The following ZDHHC9 variants were observed in gnomAD, a reference collection of about 807,000 sequenced individuals.
The protein encoded by ZDHHC9 is palmitoyltransferase ZDHHC9.
Under a neutral mutation model 26.6 loss-of-function variants are expected in ZDHHC9, and 3 were observed. The ratio of observed to expected loss-of-function variants is 0.11; its 90% confidence interval spans 0.05 to 0.29. The LOEUF is 0.29. Ranked by LOEUF, ZDHHC9 falls within the 10% of genes least tolerant of loss-of-function variation. The pLI, the probability that ZDHHC9 is intolerant of heterozygous loss-of-function variation, is 1.00. For synonymous variants in ZDHHC9, 111 were observed against 109.4 expected, an observed-to-expected ratio of 1.01 and a Z score of -0.09; for missense variants, 146 against 296.4, an observed-to-expected ratio of 0.49 and a Z score of 3.73.
At chrX:129,814,921 G>T (rs751130422) in intron 5 of ZDHHC9, 126 bp from the exon 6 acceptor site, 45 of 557,440 alleles carry the variant, frequency 8.1e-5, no homozygotes, top group African/African-American at 5.6e-4. Context: ...AAAATATAGG[G>T]TTTTTTTTTT....
chrX:129,842,074 GCTAGCC>G lies in ZDHHC9; in HGVS notation c.-135_-130del. On this transcript the variant is annotated splice_region_variant and 5_prime_UTR_variant, in exon 3 of 11. Coordinates refer to ENST00000357166, the MANE Select transcript of ZDHHC9 (RefSeq NM_016032.4). ...GTCAAACATCATCAAAAGTCCAATT[GCTAGCC>G]CTAAGAAAAAGCAGAAAAAGAAAAA... 1 of 834,453 alleles carries G rather than the reference GCTAGCC, an allele frequency of 1.2e-6. No individual in the cohort carries two copies. Among genetic ancestry groups the G allele is most frequent in the Non-Finnish European group, 1.8e-6 (1 of 566,654 alleles). 68.8% of individuals were successfully genotyped at this position (834,453 alleles called of 1,213,427 possible).
intron 10 of ZDHHC9, among the ~76,000 whole-genome samples, chrX:129,809,782 G>A (rs1927594273): frequency 9.1e-6 from 1 of 110,314 alleles, no homozygotes; most frequent in Non-Finnish European, 1.9e-5. Context: ...CAGATCATCT[G>A]AGGTCAGAAG....
chrX:129,811,556 A>C (rs755605308), intron 8 of ZDHHC9, 47 bp from the exon 9 acceptor site: 119 of 918,184 alleles, frequency 1.3e-4, no homozygotes, highest in Non-Finnish European at 1.8e-4. Flanking sequence ...TGTTAAAATG[A>C]ACAAATAATA....
At chrX:129,811,084 G>A in intron 9 of ZDHHC9, 83 bp from the exon 10 acceptor site, 1 of 853,761 alleles carries the variant, frequency 1.2e-6, no homozygotes, top group Non-Finnish European at 1.7e-6. Context: ...TGCATAGACT[G>A]GAAAATATAA....
At chrX:129,806,533 A>AT in intron 10 of ZDHHC9, 47 bp from the exon 11 acceptor site, 1 of 1,091,234 alleles carries the variant, frequency 9.2e-7, no homozygotes, top group East Asian at 3.0e-5. Flanking sequence ...GTTCCTCAAA[A>AT]TCCAAATGCA....
At chrX:129,829,208 T>A in intron 3 of ZDHHC9, 67 bp from the exon 4 acceptor site, 1 of 1,118,293 alleles carries the variant, frequency 8.9e-7, no homozygotes, top group African/African-American at 1.8e-5. Context: ...TTGTTACCAG[T>A]ATGTCAATCT....
At chrX:129,810,204 C>A (rs770587783) in intron 10 of ZDHHC9, among the ~76,000 whole-genome samples, 27 of 106,506 alleles carry the variant, frequency 2.5e-4, no homozygotes, top group African/African-American at 8.9e-4. Context: ...CAAAAATTAG[C>A]CAGGCATGGT....
Position 129,843,771 on chromosome X carries a change from C to T in ZDHHC9, c.-279G>A, listed in dbSNP as rs1266405192. 9.2e-6 allele frequency: 1 copy of T among 108,982 alleles called. No homozygotes were observed. The highest frequency in any genetic ancestry group is 1.9e-5 in the Non-Finnish European group (1 of 52,134). The allele number at this position is 108,982 out of a possible 1,213,427, so 9.0% of individuals were successfully genotyped here. A position where few individuals can be genotyped will look rare whatever the true frequency, so the allele number is the denominator to read the frequency against. ...CGTCCCAGGGAATCACGTCGGCAGC[C>T]AAAGGTGGCAGCGACTTGTCCTCCC... On this transcript the variant is annotated 5_prime_UTR_variant, in exon 1 of 11. Transcript: ENST00000357166.
intron 3 of ZDHHC9, among the ~76,000 whole-genome samples, chrX:129,833,028 C>T (rs1054999126): frequency 6.5e-5 from 7 of 107,916 alleles, no homozygotes; most frequent in Non-Finnish European, 1.1e-4. Context: ...CTAATTGTTT[C>T]TGAAACTCCC....
At chrX:129,811,630 G>T in intron 8 of ZDHHC9, 121 bp from the exon 9 acceptor site, 1 of 581,333 alleles carries the variant, frequency 1.7e-6, no homozygotes, top group Non-Finnish European at 2.7e-6. Context: ...AGAAACACAT[G>T]CAGCATGGGA....
At chrX:129,808,209 A>T (rs1935064949) in intron 10 of ZDHHC9, among the ~76,000 whole-genome samples, 1 of 112,101 alleles carries the variant, frequency 8.9e-6, no homozygotes, top group Non-Finnish European at 1.9e-5. Context: ...TTCATAAATG[A>T]CAAGTTGATC....
chrX:129,828,685 G>A (rs111669215), intron 4 of ZDHHC9, among the ~76,000 whole-genome samples: 6,640 of 110,425 alleles, frequency 0.06, 498 homozygotes, highest in African/African-American at 0.21. Flanking sequence ...ATGTGTTGGT[G>A]ACCACCTCCC....
intron 4 of ZDHHC9, among the ~76,000 whole-genome samples, chrX:129,827,267 GA>G (rs1326585853): frequency 1.2e-5 from 1 of 84,629 alleles, no homozygotes; most frequent in Non-Finnish European, 2.3e-5. Context: ...AGGAAGGAAG[GA>G]AGGGAGGGAG....
chrX:129,828,973 A>G lies in ZDHHC9; in HGVS notation c.328+8T>C, dbSNP rs930292083. 1.2e-5 allele frequency: 15 copies of G among 1,209,783 alleles called. No individual in the cohort carries two copies. Among genetic ancestry groups the G allele is most frequent in the Non-Finnish European group, 1.7e-5 (15 of 895,295 alleles). ...CACAGCAGCTTGCCAGCTGGTTGGA[A>G]GACTCACCTATCTCCATTTCTATGA... is the stretch of plus-strand genomic sequence containing the variant. On this transcript the variant is annotated splice_region_variant and intron_variant, in intron 4 of 10. Transcript: ENST00000357166.
intron 3 of ZDHHC9, among the ~76,000 whole-genome samples, chrX:129,836,759 C>T (rs1164879271): frequency 8.9e-6 from 1 of 112,211 alleles, no homozygotes; most frequent in Non-Finnish European, 1.9e-5. Context: ...TCCTGCAAGG[C>T]TACCAGAAAT....
intron 9 of ZDHHC9, 101 bp downstream of exon 9, chrX:129,811,305 C>T: frequency 1.4e-6 from 1 of 735,550 alleles, no homozygotes; most frequent in Non-Finnish European, 2.1e-6. Flanking sequence ...ACCTATTTGA[C>T]ACCAAGAGGC....
In ZDHHC9 at chrX:129,841,978, G is replaced by A. The variant is rs751215315; in HGVS notation, c.-33C>T. The A allele has an allele frequency of 3.3e-6, 4 of 1,208,406 alleles. No individual in the cohort carries two copies. The highest frequency in any genetic ancestry group is 4.4e-5 in the Admixed American group (2 of 45,952). On this transcript the variant is annotated 5_prime_UTR_variant, in exon 3 of 11. Transcript: ENST00000357166. The stretch of plus-strand genomic sequence containing the variant: ...ATTCCTGCTCCAAAATGGGTTTTGC[G>A]ATTACACGAGAGAAGAAACAGAGGC...
chrX:129,804,665 T>C lies in ZDHHC9; in HGVS notation c.*1705A>G, dbSNP rs1234712151. 1 of 112,082 alleles carries C rather than the reference T, an allele frequency of 8.9e-6. No homozygotes were observed. The highest frequency in any genetic ancestry group is 3.2e-5 in the African/African-American group (1 of 30,830). 9.2% of individuals were successfully genotyped at this position (112,082 alleles called of 1,213,427 possible). ...TCAAAACAATATCCTAATATAGAGC[T>C]TGTTCTCTTAAGTAAATATAATCCC... On this transcript the variant is annotated 3_prime_UTR_variant, in exon 11 of 11. Transcript: ENST00000357166.
chrX:129,813,753 G>C (rs762169398), intron 6 of ZDHHC9, 28 bp from the exon 7 acceptor site: 6 of 1,179,153 alleles, frequency 5.1e-6, no homozygotes, highest in Non-Finnish European at 6.9e-6. Context: ...AGAGTAGAGA[G>C]AAAAATTAGT....
Sources: gnomAD v4.1 joint callset for allele counts (sites outside exome capture counted in the v4.1 genomes callset) on GRCh38, gnomAD v4.1.1 for gene constraint, MANE v1.5 for transcripts, NCBI Gene and HGNC (gene_info 2026-07-23, HGNC 2026-07-21) for gene names.